The following HADHA variants were observed in gnomAD, a reference collection of about 807,000 sequenced individuals.
HADHA encodes the protein trifunctional enzyme subunit alpha, mitochondrial.
Under a neutral mutation model 91.3 loss-of-function variants are expected in HADHA, and 59 were observed. The observed-to-expected ratio is 0.65, with a 90% confidence interval of 0.52 to 0.80. The LOEUF (loss-of-function observed/expected upper bound fraction) is 0.80, where lower values mean the gene tolerates loss of function less well. Ranked by LOEUF, HADHA falls within the 30% of genes least tolerant of loss-of-function variation. The probability of loss-of-function intolerance (pLI) is 0.00; values close to 1 mark genes in which losing one functional copy is unlikely to be tolerated. For synonymous variants in HADHA, 320 were observed against 338.9 expected (o/e 0.94, Z 0.61); for missense variants, 800 against 927.6 (o/e 0.86, Z 1.79).
chr2:26,201,329 AAC>A lies in HADHA; in HGVS notation c.1221-11_1221-10del. The A allele has an allele frequency of 6.3e-7, 1 of 1,585,348 alleles. No homozygotes were observed. Among genetic ancestry groups the A allele is most frequent in the South Asian group, 1.1e-5 (1 of 90,478 alleles). On this transcript the variant is annotated splice_polypyrimidine_tract_variant and intron_variant, in intron 12 of 19. Coordinates refer to ENST00000380649, the MANE Select transcript of HADHA (RefSeq NM_000182.5). ...TCACTTTGTCATTCAATCTAGAAAA[AAC>A]ACATTCCTAGTTAGATGGGAAGAAA...
At chr2:26,244,173 C>A (rs1362467904) in intron 1 of HADHA, among the ~76,000 whole-genome samples, 1 of 152,222 alleles carries the variant, frequency 6.6e-6, no homozygotes, top group Non-Finnish European at 1.5e-5. Context: ...TGTGGAGCCA[C>A]AAAGATGCGA....
rs1161773757 is a variant in HADHA at position 26,244,575 on chromosome 2, C to T, written c.22G>A (p.Gly8Ser). The T allele has an allele frequency of 2.5e-6, 4 of 1,587,284 alleles. No individual in the cohort carries two copies. The highest frequency in any genetic ancestry group is 1.3e-5 in the African/African-American group (1 of 74,332). The part of the protein sequence containing the change: MVACRAI[G>S]ILSRFSAFRI... ...AAGGCAGAAAAGCGGCTGAGGATGC[C>T]AATCGCCCGGCAGGCCACCATCTTG... Residue 8 changes from glycine to serine, a missense_variant, in exon 1 of 20, where the codon GGC becomes AGC. Gly to Ser is a moderately conservative substitution (Grantham distance 56). Coordinates refer to ENST00000380649, the MANE Select transcript of HADHA (RefSeq NM_000182.5).
intron 18 of HADHA, among the ~76,000 whole-genome samples, chr2:26,192,044 C>T (rs1412404582): frequency 1.3e-5 from 2 of 152,146 alleles, no homozygotes; most frequent in South Asian, 4.1e-4. Flanking sequence ...CACCTAGATG[C>T]TGGGCAGAGA....
intron 12 of HADHA, among the ~76,000 whole-genome samples, chr2:26,202,381 A>G (rs1669868338): frequency 1.3e-5 from 2 of 152,308 alleles, no homozygotes; most frequent in African/African-American, 4.8e-5. Flanking sequence ...GCTAAACCCC[A>G]TTCACTAATT....
At chr2:26,197,564 C>G (rs568300976) in intron 14 of HADHA, 127 bp downstream of exon 14, 1 of 715,742 alleles carries the variant, frequency 1.4e-6, no homozygotes, top group Non-Finnish European at 2.6e-6. Context: ...TTTATTGTGT[C>G]CAGTGTTTAG....
At chr2:26,191,462 T>C in intron 19 of HADHA, 21 bp downstream of exon 19, 3 of 1,614,182 alleles carry the variant, frequency 1.9e-6, no homozygotes, top group Non-Finnish European at 1.7e-6. Flanking sequence ...GTGAGCTTCC[T>C]TCCCAACCTG....
At chr2:26,242,393 T>C (rs184894349) in intron 1 of HADHA, among the ~76,000 whole-genome samples, 75 of 152,364 alleles carry the variant, frequency 4.9e-4, no homozygotes, top group African/African-American at 1.5e-3. Flanking sequence ...CAACGAATGA[T>C]ACTTTCTTAC....
At position 26,197,665 on chromosome 2, in the gene HADHA, AGGGTTTTTCTCTGTTCC is replaced by A. The variant is rs1325169012; in HGVS notation, c.1479+9_1479+25del. Reference sequence around the variant, plus strand: ...TGAATCTGAAGCAATAAAACATCTCAGGGTTTTTCTCTGTTCCGAGTTTACCTTCTCAGGTCTTTTGC... The same window carrying A: ...TGAATCTGAAGCAATAAAACATCTCAGAGTTTACCTTCTCAGGTCTTTTGC... On this transcript the variant is annotated intron_variant, in intron 14 of 19. Coordinates refer to ENST00000380649, the MANE Select transcript of HADHA (RefSeq NM_000182.5). 17 of 1,010,444 alleles carry A rather than the reference AGGGTTTTTCTCTGTTCC, an allele frequency of 1.7e-5. No individual in the cohort carries two copies. The highest frequency in any genetic ancestry group is 2.7e-5 in the Non-Finnish European group (17 of 628,286). The allele number at this position is 1,010,444 out of a possible 1,614,324, so 62.6% of individuals were successfully genotyped here.
At chr2:26,232,422 T>C in intron 5 of HADHA, 143 bp from the exon 6 acceptor site, 1 of 670,516 alleles carries the variant, frequency 1.5e-6, no homozygotes, top group Non-Finnish European at 2.6e-6. Flanking sequence ...CATTTAATAA[T>C]TTCTAGAATT....
rs1670061621 is a variant in HADHA at position 26,209,986 on chromosome 2, A to G, written c.976-97T>C. The stretch of plus-strand genomic sequence containing the variant: ...TTCCTCTGAAGAGCAGAGGTAATGC[A>G]TGTGAAGCCTGAGTCCCTGGGGATG... On this transcript the variant is annotated intron_variant, in intron 10 of 19. Transcript: ENST00000380649. 5 of 781,736 alleles carry G rather than the reference A, an allele frequency of 6.4e-6. No homozygotes were observed. In the South Asian group the frequency reaches 6.8e-5, roughly 11 times the overall value. The allele number at this position is 781,736 out of a possible 1,614,324, so 48.4% of individuals were successfully genotyped here. A position where few individuals can be genotyped will look rare whatever the true frequency, so the allele number is the denominator to read the frequency against.
intron 17 of HADHA, 69 bp from the exon 18 acceptor site, chr2:26,192,493 G>T: frequency 2.2e-6 from 2 of 929,762 alleles, no homozygotes; most frequent in Non-Finnish European, 3.6e-6. Context: ...TTTGTTCTCA[G>T]AACCCTGGCC....
intron 7 of HADHA, among the ~76,000 whole-genome samples, chr2:26,227,612 T>C (rs1487746878): frequency 6.6e-6 from 1 of 152,058 alleles, no homozygotes; most frequent in East Asian, 1.9e-4. Flanking sequence ...AGAACTCTCA[T>C]ACACTGCTGG....
intron 9 of HADHA, among the ~76,000 whole-genome samples, chr2:26,213,943 G>A (rs1670159462): frequency 6.6e-6 from 1 of 152,180 alleles, no homozygotes; most frequent in Admixed American, 6.5e-5. Context: ...AAAGTCTACT[G>A]TTGGAGATTT....
At position 26,194,556 on chromosome 2, in the gene HADHA, A is replaced by G. The variant is rs1362729289; in HGVS notation, c.1689+14T>C. 6.5e-7 allele frequency: 1 copy of G among 1,548,320 alleles called. No individual in the cohort carries two copies. The highest frequency in any genetic ancestry group is 1.1e-5 in the South Asian group (1 of 89,790). ...GTGGAAGATGCCGCAAACACTCTGG[A>G]GAGCAATACCAACCTGGAGGATTCG... On this transcript the variant is annotated intron_variant, in intron 16 of 19. Transcript: ENST00000380649.
At chr2:26,204,611 T>G (rs1669929255) in intron 11 of HADHA, among the ~76,000 whole-genome samples, 1 of 152,132 alleles carries the variant, frequency 6.6e-6, no homozygotes, top group Non-Finnish European at 1.5e-5. Flanking sequence ...GAGACATGGT[T>G]TTGCTCCCTT....
intron 14 of HADHA, 114 bp from the exon 15 acceptor site, chr2:26,195,346 C>T (rs1004251861): frequency 2.2e-6 from 2 of 911,992 alleles, no homozygotes; most frequent in Admixed American, 3.4e-5. Flanking sequence ...TATAGGAATA[C>T]TGCTTGACAT....
At position 26,191,262 on chromosome 2, in the gene HADHA, C is replaced by A; in HGVS notation, c.2280G>T (p.Lys760Asn). ...LADHANSPNK[K>N]FYQ ...GCATGAGGCCTGCTCACTGGTAGAA[C>A]TTCTTGTTAGGGCTGTTAGCATGGT... is the stretch of plus-strand genomic sequence containing the variant. Residue 760 changes from lysine to asparagine, a missense_variant, in exon 20 of 20, where the codon AAG becomes AAT. Transcript: ENST00000380649. 6.2e-7 allele frequency: 1 copy of A among 1,612,598 alleles called. No homozygotes were observed. Among genetic ancestry groups the A allele is most frequent in the Non-Finnish European group, 8.5e-7 (1 of 1,180,018 alleles).
chr2:26,207,757 T>A (rs1009429989), intron 11 of HADHA, among the ~76,000 whole-genome samples: 4 of 152,246 alleles, frequency 2.6e-5, no homozygotes, highest in African/African-American at 9.6e-5. Flanking sequence ...GTCTGTATAC[T>A]AATTTGTAGC....
chr2:26,219,019 A>AG (rs1345872935), intron 7 of HADHA, among the ~76,000 whole-genome samples: 2 of 151,020 alleles, frequency 1.3e-5, no homozygotes, highest in Non-Finnish European at 3.0e-5. Flanking sequence ...AAAAAAAAAA[A>AG]AAAAGAAAGA....
Sources: gnomAD v4.1 joint callset for allele counts (sites outside exome capture counted in the v4.1 genomes callset) on GRCh38, gnomAD v4.1.1 for gene constraint, MANE v1.5 for transcripts, NCBI Gene and HGNC (gene_info 2026-07-23, HGNC 2026-07-21) for gene names.